TOP3A: variants seen among roughly 807,000 people sequenced by gnomAD.
TOP3A encodes DNA topoisomerase III alpha.
TOP3A carries 64 observed loss-of-function variants against 111.3 expected under a neutral mutation model. The observed-to-expected ratio is 0.57, with a 90% confidence interval of 0.47 to 0.71. The LOEUF (loss-of-function observed/expected upper bound fraction) is 0.71, where lower values mean the gene tolerates loss of function less well. TOP3A is among the 30% of genes least tolerant of loss of function. The probability of loss-of-function intolerance (pLI) is 0.00; values close to 1 mark genes in which losing one functional copy is unlikely to be tolerated. For missense variants in TOP3A, 1,104 were observed against 1,285.0 expected, an observed-to-expected ratio of 0.86 and a Z score of 2.15; for synonymous variants, 484 against 485.1, an observed-to-expected ratio of 1.00 and a Z score of 0.03.
chr17:18,304,042 G>T (rs1394394256), intron 5 of TOP3A, among the ~76,000 whole-genome samples: 1 of 152,048 alleles, frequency 6.6e-6, no homozygotes, highest in Non-Finnish European at 1.5e-5. Flanking sequence ...TCGGCTCACT[G>T]CAACCTCTGC....
intron 5 of TOP3A, 54 bp from the exon 6 acceptor site, chr17:18,302,777 C>G (rs552917007): frequency 6.4e-7 from 1 of 1,572,784 alleles, no homozygotes; most frequent in Admixed American, 1.8e-5. Context: ...TGCCCTCCAT[C>G]ATAAAGGACT....
intron 10 of TOP3A, among the ~76,000 whole-genome samples, chr17:18,294,177 A>C (rs1597971668): frequency 6.6e-6 from 1 of 152,208 alleles, no homozygotes; most frequent in African/African-American, 2.4e-5. Flanking sequence ...CTGAGGAGTC[A>C]AAAGTAAGAT....
At chr17:18,292,614 T>C in intron 11 of TOP3A, 31 bp downstream of exon 11, 1 of 1,512,414 alleles carries the variant, frequency 6.6e-7, no homozygotes, top group Non-Finnish European at 8.9e-7. Flanking sequence ...CCCTATGGGT[T>C]CCAGCAGGCA....
intron 9 of TOP3A, among the ~76,000 whole-genome samples, chr17:18,298,635 T>C (rs963998097): frequency 2.6e-5 from 4 of 151,794 alleles, no homozygotes; most frequent in Non-Finnish European, 5.9e-5. Context: ...GGGAAAAGAT[T>C]GAGAAATCGG....
rs755547574 is a variant in TOP3A, at chr17:18,280,529, A to G, written c.2144+7T>C. On this transcript the variant is annotated splice_region_variant and intron_variant, in intron 17 of 18. Coordinates refer to ENST00000321105, the MANE Select transcript of TOP3A (RefSeq NM_004618.5). ...GAGGAGGCACCTGACTCAGGTGCCC[A>G]GCTCACCTGTACACAGGGTGTGGCT... 6 of 1,613,066 alleles carry G rather than the reference A, an allele frequency of 3.7e-6. No homozygotes were observed. In the South Asian group the frequency reaches 6.6e-5, roughly 18 times the overall value.
chr17:18,309,600 C>T (rs1214966163), intron 1 of TOP3A, among the ~76,000 whole-genome samples: 2 of 151,460 alleles, frequency 1.3e-5, no homozygotes, highest in African/African-American at 2.4e-5. Context: ...GTGGAGATGG[C>T]GCCACTGCAC....
chr17:18,301,794 C>T, intron 8 of TOP3A, 91 bp downstream of exon 8: 1 of 1,097,740 alleles, frequency 9.1e-7, no homozygotes, highest in Non-Finnish European at 1.3e-6. Flanking sequence ...AGCTAAAGTC[C>T]AATGGGAGAA....
rs1419044405 is a variant in TOP3A, at chr17:18,290,775, T to C, written c.1467+67A>G. The C allele has an allele frequency of 5.7e-6, 9 of 1,591,506 alleles. No individual in the cohort carries two copies. In the African/African-American group the frequency reaches 8.1e-5, roughly 14 times the overall value. On this transcript the variant is annotated intron_variant, in intron 12 of 18. Coordinates refer to ENST00000321105, the MANE Select transcript of TOP3A (RefSeq NM_004618.5). ...CTCATTTCAAGGAACATGATCCTGC[T>C]CCACTAGAGAACTCAGGGCTCACAA...
intron 4 of TOP3A, among the ~76,000 whole-genome samples, chr17:18,305,671 T>C (rs1256246589): frequency 6.6e-6 from 1 of 151,756 alleles, no homozygotes; most frequent in African/African-American, 2.4e-5. Context: ...ACCCTGTCTC[T>C]ACTAAAAATA....
chr17:18,300,351 G>A (rs986867479), intron 8 of TOP3A, among the ~76,000 whole-genome samples: 8 of 151,578 alleles, frequency 5.3e-5, no homozygotes, highest in Admixed American at 3.9e-4. Flanking sequence ...CTGAGATCGT[G>A]CCATTGCACT....
At chr17:18,284,793 A>G (rs1979986329) in intron 15 of TOP3A, among the ~76,000 whole-genome samples, 2 of 152,124 alleles carry the variant, frequency 1.3e-5, no homozygotes, top group Non-Finnish European at 2.9e-5. Flanking sequence ...AAAAAAAAAG[A>G]TAATTAAAAT....
chr17:18,276,682 C>T (rs1979391453), intron 18 of TOP3A, among the ~76,000 whole-genome samples: 1 of 152,174 alleles, frequency 6.6e-6, no homozygotes, highest in Admixed American at 6.5e-5. Flanking sequence ...TCCAAAGCTC[C>T]CACTAGGCCT....
At chr17:18,290,729 C>T in intron 12 of TOP3A, 43 bp from the exon 13 acceptor site, 1 of 1,576,288 alleles carries the variant, frequency 6.3e-7, no homozygotes, top group East Asian at 2.3e-5. Flanking sequence ...ATTCCATCAG[C>T]ACACTCAGGC....
rs1361295630 is a variant in TOP3A, at chr17:18,291,017, T to C, written c.1292A>G (p.Gln431Arg). ...KYTNNLQGDE[Q>R]RLYEFIVRHF... The stretch of plus-strand genomic sequence containing the variant: ...GCGAACAATAAACTCGTACAGTCGC[T>C]GTTCATCTCCCTAGGAAGAAAAGAG... The change falls in exon 12 of 19, where the codon CAG becomes CGG. Residue 431 changes from glutamine to arginine, a missense_variant. By Grantham distance (43) the Gln-to-Arg change is conservative (BLOSUM62 1). Transcript: ENST00000321105. The C allele has an allele frequency of 6.2e-7, 1 of 1,614,128 alleles. No individual in the cohort carries two copies. The highest frequency in any genetic ancestry group is 8.5e-7 in the Non-Finnish European group (1 of 1,180,018).
chr17:18,303,254 G>C (rs1198420364), intron 5 of TOP3A, among the ~76,000 whole-genome samples: 1 of 152,194 alleles, frequency 6.6e-6, no homozygotes, highest in African/African-American at 2.4e-5. Context: ...ACAATGCACT[G>C]TGGAAGGCCG....
intron 6 of TOP3A, 55 bp from the exon 7 acceptor site, chr17:18,302,489 G>A (rs1485837959): frequency 1.3e-6 from 2 of 1,595,984 alleles, no homozygotes; most frequent in Non-Finnish European, 1.7e-6. Flanking sequence ...TGAGAGTCCA[G>A]GGCTGGCTGC....
intron 3 of TOP3A, chr17:18,307,211 A>G: frequency 2.7e-6 from 1 of 377,128 alleles, no homozygotes; most frequent in East Asian, 4.1e-5. Context: ...GGCTGCATGA[A>G]AAAGGTCTGG....
At chr17:18,293,501 G>A (rs900118350) in intron 10 of TOP3A, among the ~76,000 whole-genome samples, 7 of 150,410 alleles carry the variant, frequency 4.7e-5, no homozygotes, top group African/African-American at 1.2e-4. Flanking sequence ...TGCTCAGGTC[G>A]GTCTTGAACT....
chr17:18,312,588 CA>C (rs1981981683), intron 1 of TOP3A: 2 of 179,764 alleles, frequency 1.1e-5, no homozygotes, highest in South Asian at 1.3e-4. Flanking sequence ...GCCCTGGGTC[CA>C]AAATCTGTAG....
Sources: allele counts gnomAD v4.1 joint callset (sites outside exome capture counted in the v4.1 genomes callset), GRCh38; gene constraint gnomAD v4.1.1; transcripts MANE v1.5; gene names NCBI Gene and HGNC (gene_info 2026-07-23, HGNC 2026-07-21).